Variants in DGKB observed in about 807,000 individuals in gnomAD.
DGKB encodes the protein diacylglycerol kinase beta.
DGKB carries 67 observed loss-of-function variants against 114.3 expected under a neutral mutation model. The ratio of observed to expected loss-of-function variants is 0.59; its 90% CI spans 0.48 to 0.72. The LOEUF is 0.72. Among genes scored for constraint, DGKB ranks in the 30% least tolerant of loss-of-function variants. The pLI is 0.00. For missense variants in DGKB, 907 were observed against 975.2 expected (o/e 0.93, Z 0.93); for synonymous variants, 398 against 323.1 (o/e 1.23, Z -2.49).
intron 13 of DGKB, among the ~76,000 whole-genome samples, chr7:14,635,792 T>C (rs1339445430): frequency 1.3e-5 from 2 of 151,598 alleles, no homozygotes; most frequent in Non-Finnish European, 3.0e-5. Flanking sequence ...AATAGACTGA[T>C]ACATACAAAT....
intron 13 of DGKB, among the ~76,000 whole-genome samples, chr7:14,648,373 C>A (rs1482671669): frequency 6.6e-6 from 1 of 152,200 alleles, no homozygotes; most frequent in Non-Finnish European, 1.5e-5. Flanking sequence ...AGGCACCCCC[C>A]AGCAGGGGCA....
At chr7:14,378,302 C>G (rs1284900697) in intron 21 of DGKB, among the ~76,000 whole-genome samples, 2 of 152,214 alleles carry the variant, frequency 1.3e-5, no homozygotes, top group Admixed American at 6.5e-5. Context: ...AGATGATATT[C>G]TAATCCATTT....
At chr7:14,272,392 G>A (rs1041807526) in intron 23 of DGKB, among the ~76,000 whole-genome samples, 5 of 152,138 alleles carry the variant, frequency 3.3e-5, no homozygotes, top group Non-Finnish European at 5.9e-5. Flanking sequence ...TTATAGGTTT[G>A]AAGAAAAATC....
chr7:14,938,189 A>G (rs1353070073), intron 1 of DGKB, among the ~76,000 whole-genome samples: 1 of 152,210 alleles, frequency 6.6e-6, no homozygotes, highest in African/African-American at 2.4e-5. Context: ...GATATTCTGC[A>G]TCTGGTCTCC....
At chr7:14,175,435 C>T (rs80125805) in intron 25 of DGKB, among the ~76,000 whole-genome samples, 1,538 of 152,262 alleles carry the variant, frequency 0.01, 25 homozygotes, top group African/African-American at 0.035. Flanking sequence ...CTCTCCTCCA[C>T]CTCCTGCACC....
intron 13 of DGKB, among the ~76,000 whole-genome samples, chr7:14,656,860 A>G (rs1585403102): frequency 6.6e-6 from 1 of 151,662 alleles, no homozygotes; most frequent in Non-Finnish European, 1.5e-5. Flanking sequence ...TTAGGTAGAA[A>G]CAAAAACAAT....
intron 5 of DGKB, among the ~76,000 whole-genome samples, chr7:14,728,406 A>C (rs921169922): frequency 6.6e-6 from 1 of 151,956 alleles, no homozygotes; most frequent in Admixed American, 6.6e-5. Flanking sequence ...GGCCTTGGCT[A>C]CCTCTCTCGC....
At chr7:14,324,442 G>T (rs1808372881) in intron 23 of DGKB, among the ~76,000 whole-genome samples, 1 of 82,204 alleles carries the variant, frequency 1.2e-5, no homozygotes, top group Non-Finnish European at 2.6e-5. Context: ...GTGAGACTCT[G>T]TCTCAAAAAA....
At chr7:14,560,224 A>T (rs1435405375) in intron 20 of DGKB, among the ~76,000 whole-genome samples, 1 of 152,024 alleles carries the variant, frequency 6.6e-6, no homozygotes, top group Non-Finnish European at 1.5e-5. Flanking sequence ...TTAGGACTTA[A>T]CATGAGATCT....
chr7:14,648,502 C>T (rs1813664582), intron 13 of DGKB, among the ~76,000 whole-genome samples: 2 of 80,458 alleles, frequency 2.5e-5, no homozygotes, highest in Admixed American at 3.3e-4. Context: ...TGTACATCAC[C>T]ATCATCAAAC....
At position 14,753,854 on chromosome 7, in the gene DGKB, G is replaced by A. The variant is rs973017494; in HGVS notation, c.168+74C>T. 20 of 941,464 alleles carry A rather than the reference G, an allele frequency of 2.1e-5. No individual in the cohort carries two copies. In the African/African-American group the frequency reaches 2.8e-4, roughly 13 times the overall value. The allele number at this position is 941,464 out of a possible 1,614,324, so 58.3% of individuals were successfully genotyped here. A position where few individuals can be genotyped will look rare whatever the true frequency, so the allele number is the denominator to read the frequency against. On this transcript the variant is annotated intron_variant, in intron 4 of 25. Coordinates refer to ENST00000402815, the MANE Select transcript of DGKB (RefSeq NM_001350709.2). ...GTACAGAAGTATAGTTCAGTGATAT[G>A]GATGAGAAATTCATAGATCATATCA...
chr7:14,353,564 T>C (rs566692529), intron 21 of DGKB, among the ~76,000 whole-genome samples: 1 of 152,278 alleles, frequency 6.6e-6, no homozygotes, highest in East Asian at 1.9e-4. Flanking sequence ...TCAGCAACCT[T>C]GAAATAGTCT....
intron 17 of DGKB, among the ~76,000 whole-genome samples, chr7:14,585,232 T>C (rs1289355162): frequency 6.6e-6 from 1 of 152,190 alleles, no homozygotes; most frequent in Non-Finnish European, 1.5e-5. Context: ...CTAATACTCA[T>C]TGTTTTGCTT....
chr7:14,418,498 C>A (rs1262998695), intron 21 of DGKB, among the ~76,000 whole-genome samples: 2 of 150,674 alleles, frequency 1.3e-5, no homozygotes, highest in African/African-American at 4.9e-5. Context: ...ACAAAGTGAA[C>A]CATAGTGTCT....
intron 21 of DGKB, among the ~76,000 whole-genome samples, chr7:14,413,074 G>C (rs528908957): frequency 1.1e-4 from 17 of 152,102 alleles, no homozygotes; most frequent in Middle Eastern, 3.4e-3. Context: ...AGGATGGAGT[G>C]AAATGGAATG....
chr7:14,400,655 T>G (rs1340747934), intron 21 of DGKB, among the ~76,000 whole-genome samples: 1 of 151,554 alleles, frequency 6.6e-6, no homozygotes, highest in Non-Finnish European at 1.5e-5. Flanking sequence ...ATGCGTTTTA[T>G]GTAATGCAGC....
At chr7:14,722,547 C>A (rs996748184) in intron 5 of DGKB, among the ~76,000 whole-genome samples, 1 of 152,164 alleles carries the variant, frequency 6.6e-6, no homozygotes, top group African/African-American at 2.4e-5. Context: ...GGCACCGGAA[C>A]TCATGCCTGC....
intron 8 of DGKB, among the ~76,000 whole-genome samples, chr7:14,697,578 A>C (rs1201963074): frequency 3.3e-5 from 5 of 151,916 alleles, no homozygotes; most frequent in Non-Finnish European, 1.5e-5. Flanking sequence ...ATCCACTTTG[A>C]CTTCTGATTA....
chr7:14,238,280 G>A (rs1562705629), intron 23 of DGKB, among the ~76,000 whole-genome samples: 1 of 151,890 alleles, frequency 6.6e-6, no homozygotes, highest in East Asian at 1.9e-4. Flanking sequence ...AGATCTGACG[G>A]TTTAATAGTG....
Sources: gnomAD v4.1 joint callset for allele counts (sites outside exome capture counted in the v4.1 genomes callset) on GRCh38, gnomAD v4.1.1 for gene constraint, MANE v1.5 for transcripts, NCBI Gene and HGNC (gene_info 2026-07-23, HGNC 2026-07-21) for gene names.